Variants in LNPEP observed in about 807,000 individuals in gnomAD.
LNPEP encodes the protein leucyl and cystinyl aminopeptidase.
LNPEP carries 64 observed loss-of-function variants against 120.6 expected under a neutral mutation model. The observed-to-expected ratio is 0.53, with a 90% CI of 0.43 to 0.65. The LOEUF (loss-of-function observed/expected upper bound fraction) is 0.65, where lower values mean the gene tolerates loss of function less well. Among genes scored for constraint, LNPEP ranks in the 30% least tolerant of loss-of-function variants. The pLI, the probability that LNPEP is intolerant of heterozygous loss-of-function variation, is 0.00. For missense variants in LNPEP, 1,057 were observed against 1,200.0 expected (o/e 0.88, Z 1.76); for synonymous variants, 435 against 425.4 (o/e 1.02, Z -0.28).
chr5:97,011,138 T>C (rs1790916175), intron 11 of LNPEP: 1 of 985,240 alleles, frequency 1.0e-6, no homozygotes. Flanking sequence ...AGTGGAACAA[T>C]TGTCATAGCC....
At position 97,026,327 on chromosome 5, in the gene LNPEP, C is replaced by A. The variant is rs1021330489; in HGVS notation, c.2724-290C>A. Among the ~76,000 whole-genome samples the A allele has an allele frequency of 5.3e-5, 8 of 151,884 alleles. No homozygotes were observed. The South Asian group carries it at 1.5e-3, about 28-fold the overall frequency. On this transcript the variant is annotated intron_variant, in intron 15 of 17. Coordinates refer to ENST00000231368, the MANE Select transcript of LNPEP (RefSeq NM_005575.3). ...TTACCAGAAAAAAATACCCACCTCC[C>A]GAATTGTAATAAATTCTACCAGAAC...
intron 2 of LNPEP, among the ~76,000 whole-genome samples, chr5:96,983,449 C>CT (rs145758876): frequency 2.0e-5 from 3 of 151,274 alleles, no homozygotes; most frequent in African/African-American, 2.4e-5. Flanking sequence ...GAGGACTTTT[C>CT]TTTTTTTTTC....
chr5:96,984,696 T>C (rs1018224305), intron 2 of LNPEP, among the ~76,000 whole-genome samples: 28 of 152,242 alleles, frequency 1.8e-4, no homozygotes, highest in Admixed American at 1.2e-3. Flanking sequence ...ACAGTTGTTA[T>C]GGAGGCCTGC....
At chr5:97,001,787 A>G (rs2112639630) in intron 8 of LNPEP, among the ~76,000 whole-genome samples, 1 of 152,312 alleles carries the variant, frequency 6.6e-6, no homozygotes, top group East Asian at 1.9e-4. Flanking sequence ...ATAGGTTGAT[A>G]AGATGAGCCT....
At chr5:97,022,690 G>A (rs552671402) in intron 14 of LNPEP, among the ~76,000 whole-genome samples, 2 of 151,088 alleles carry the variant, frequency 1.3e-5, no homozygotes, top group South Asian at 4.2e-4. Context: ...ACAATGTGCA[G>A]GTTAGTTACA....
In LNPEP at chr5:96,979,216, A is replaced by C; in HGVS notation, c.98A>C (p.Glu33Ala). Residue 33 changes from glutamate (E) to alanine (A), a missense_variant, in exon 2 of 18, where the codon GAG becomes GCG. By Grantham distance (107) the Glu-to-Ala change is moderately radical. Transcript: ENST00000231368. ...CCAGATGTGGTGGATTTAGCCAAAG[A>C]GCCTTGTTTACATCCTCTAGAGCCT... ...EEPDVVDLAK[E>A]PCLHPLEPDE... 1 of 1,613,852 alleles carries C rather than the reference A, an allele frequency of 6.2e-7. No individual in the cohort carries two copies. The highest frequency in any genetic ancestry group is 2.2e-5 in the East Asian group (1 of 44,866).
At chr5:96,967,691 T>C (rs1789762719) in intron 1 of LNPEP, among the ~76,000 whole-genome samples, 1 of 152,106 alleles carries the variant, frequency 6.6e-6, no homozygotes, top group Non-Finnish European at 1.5e-5. Flanking sequence ...TGTATGAATT[T>C]TATCTTATTC....
chr5:96,980,003 T>C, intron 2 of LNPEP, 25 bp downstream of exon 2: 9 of 1,551,838 alleles, frequency 5.8e-6, no homozygotes, highest in Non-Finnish European at 7.8e-6. Context: ...TAAATGATTC[T>C]GGTTTTACGC....
chr5:97,010,456 AAG>A, intron 11 of LNPEP: 2 of 985,332 alleles, frequency 2.0e-6, no homozygotes, highest in South Asian at 4.7e-5. Flanking sequence ...AGGAGAAAGA[AAG>A]GGGTATTAGA....
chr5:97,027,891 G>C (rs1791386012), intron 17 of LNPEP, 77 bp downstream of exon 17: 1 of 841,352 alleles, frequency 1.2e-6, no homozygotes, highest in African/African-American at 1.7e-5. Context: ...GTTTTAGTGA[G>C]ATGGTGGATT....
At chr5:96,952,842 C>G (rs1789355685) in intron 1 of LNPEP, among the ~76,000 whole-genome samples, 1 of 152,124 alleles carries the variant, frequency 6.6e-6, no homozygotes, top group South Asian at 2.1e-4. Context: ...TTCATGATCT[C>G]TTAGACTAAT....
At chr5:97,001,968 C>T (rs918030379) in intron 8 of LNPEP, among the ~76,000 whole-genome samples, 13 of 152,086 alleles carry the variant, frequency 8.5e-5, no homozygotes, top group South Asian at 2.1e-4. Flanking sequence ...GGTGAAACCC[C>T]GTCTCTACTA....
intron 7 of LNPEP, among the ~76,000 whole-genome samples, chr5:96,997,581 A>G (rs775701652): frequency 4.6e-5 from 7 of 152,120 alleles, no homozygotes; most frequent in South Asian, 4.1e-4. Flanking sequence ...AGGGAAATGT[A>G]TATTTTCTTA....
At chr5:97,018,308 C>T (rs1033249711) in intron 13 of LNPEP, among the ~76,000 whole-genome samples, 1 of 151,928 alleles carries the variant, frequency 6.6e-6, no homozygotes, top group East Asian at 1.9e-4. Context: ...TTCTGCTTGC[C>T]TCTCTGTTAA....
chr5:97,009,535 A>T (rs1249522135), intron 11 of LNPEP, among the ~76,000 whole-genome samples: 1 of 152,244 alleles, frequency 6.6e-6, no homozygotes, highest in Non-Finnish European at 1.5e-5. Flanking sequence ...TGATAAAATG[A>T]TGTTTTCTTT....
chr5:97,013,930 T>C, intron 12 of LNPEP, 99 bp downstream of exon 12: 1 of 847,842 alleles, frequency 1.2e-6, no homozygotes, highest in Non-Finnish European at 1.8e-6. Flanking sequence ...TAGCATGTAT[T>C]GGTTGGTACA....
intron 13 of LNPEP, among the ~76,000 whole-genome samples, chr5:97,019,509 T>C (rs778223949): frequency 6.6e-6 from 1 of 152,176 alleles, no homozygotes; most frequent in Non-Finnish European, 1.5e-5. Context: ...TGAAATACAT[T>C]TAAACAACTA....
In LNPEP at chr5:97,034,328, C is replaced by T. The variant is rs1255371166; in HGVS notation, c.*5795C>T. Reference sequence around the variant, plus strand: ...ATTGAGGTTCATTCTATGAAAAAATCTCCCCTTCTCCCCTTCCCTTATTGC... The same window carrying T: ...ATTGAGGTTCATTCTATGAAAAAATTTCCCCTTCTCCCCTTCCCTTATTGC... On this transcript the variant is annotated 3_prime_UTR_variant, in exon 18 of 18. Transcript: ENST00000231368. The T allele has an allele frequency of 6.6e-6, 1 of 152,050 alleles. No homozygotes were observed. Among genetic ancestry groups the T allele is most frequent in the African/African-American group, 2.4e-5 (1 of 41,408 alleles). The allele number at this position is 152,050 out of a possible 1,614,324, so 9.4% of individuals were successfully genotyped here. A position where few individuals can be genotyped will look rare whatever the true frequency, so the allele number is the denominator to read the frequency against.
chr5:96,936,113 A>G lies in LNPEP; in HGVS notation c.-43A>G, dbSNP rs190265882. On this transcript the variant is annotated 5_prime_UTR_variant, in exon 1 of 18. Transcript: ENST00000231368. Reference sequence around the variant, plus strand: ...GGGCCGCCTCAGCTCTCGGAGTAGGAAGCTCGGGCGCTCCGGCTGTAAGGA... The same window carrying G: ...GGGCCGCCTCAGCTCTCGGAGTAGGGAGCTCGGGCGCTCCGGCTGTAAGGA... 5.9e-5 allele frequency: 89 copies of G among 1,514,930 alleles called. No individual in the cohort carries two copies. The highest frequency in any genetic ancestry group is 7.2e-5 in the Non-Finnish European group (82 of 1,131,742). 93.8% of individuals were successfully genotyped at this position (1,514,930 alleles called of 1,614,324 possible).
Sources: gnomAD v4.1 joint callset for allele counts (sites outside exome capture counted in the v4.1 genomes callset) on GRCh38, gnomAD v4.1.1 for gene constraint, MANE v1.5 for transcripts, NCBI Gene and HGNC (gene_info 2026-07-23, HGNC 2026-07-21) for gene names.